The following PCDHA7 variants were observed in gnomAD, a reference collection of about 807,000 sequenced individuals.
PCDHA7 encodes protocadherin alpha-7.
Under a neutral mutation model 57.2 loss-of-function variants are expected in PCDHA7, and 37 were observed. That is an observed-to-expected ratio of 0.65 (90% CI 0.50 to 0.85). PCDHA7 has a LOEUF of 0.85. Ranked by LOEUF, PCDHA7 falls within the 40% of genes least tolerant of loss-of-function variation. The pLI is 0.00. For missense variants in PCDHA7, 1,188 were observed against 1,241.8 expected (o/e 0.96, Z 0.65); for synonymous variants, 553 against 558.8 (o/e 0.99, Z 0.15).
rs1588262423 is a variant in PCDHA7 at position 141,011,885 on chromosome 5, T to C, written c.*1948T>C. 1 of 153,482 alleles carries C rather than the reference T, an allele frequency of 6.5e-6. No homozygotes were observed. The highest frequency in any genetic ancestry group is 1.9e-4 in the East Asian group (1 of 5,202). 9.5% of individuals were successfully genotyped at this position (153,482 alleles called of 1,614,324 possible). ...ATAATGTACAATTTAGAAGTTTGATTAATTATATTATCTATTTAGGCATTA... is the reference window on the plus strand; with the variant it reads ...ATAATGTACAATTTAGAAGTTTGATCAATTATATTATCTATTTAGGCATTA... On this transcript the variant is annotated 3_prime_UTR_variant, in exon 4 of 4. Transcript: ENST00000525929.
At chr5:140,849,896 C>A in intron 1 of PCDHA7, 1 of 1,598,590 alleles carries the variant, frequency 6.3e-7, no homozygotes, top group Non-Finnish European at 8.6e-7. Flanking sequence ...TGAAGGAGAA[C>A]AACCCGCCGG....
chr5:140,877,590 G>A (rs996962116), intron 1 of PCDHA7: 20 of 1,613,708 alleles, frequency 1.2e-5, no homozygotes, highest in Admixed American at 1.7e-5. Flanking sequence ...CCATCTGTGC[G>A]GTGTCCAGCC....
chr5:140,935,157 A>G (rs982054485), intron 1 of PCDHA7, among the ~76,000 whole-genome samples: 1 of 152,214 alleles, frequency 6.6e-6, no homozygotes, highest in Non-Finnish European at 1.5e-5. Context: ...TATAATCTCA[A>G]CAACAGGTGT....
At chr5:141,009,327 C>A (rs1445732436) in intron 3 of PCDHA7, among the ~76,000 whole-genome samples, 3 of 152,142 alleles carry the variant, frequency 2.0e-5, no homozygotes, top group Non-Finnish European at 2.9e-5. Context: ...GGCATGGGAG[C>A]TTGTGCCTGT....
chr5:140,862,677 G>T, intron 1 of PCDHA7: 1 of 550,930 alleles, frequency 1.8e-6, no homozygotes. Context: ...AGGAGAACGT[G>T]CTGGTGTCCT....
At chr5:140,902,257 C>T (rs1450183542) in intron 1 of PCDHA7, among the ~76,000 whole-genome samples, 2 of 140,176 alleles carry the variant, frequency 1.4e-5, no homozygotes, top group South Asian at 2.2e-4. Context: ...AGGCTGGTCT[C>T]GAACTCCTGG....
chr5:140,858,158 G>A lies in PCDHA7; in HGVS notation c.2355+21420G>A, dbSNP rs781899082. On this transcript the variant is annotated intron_variant, in intron 1 of 3. Transcript: ENST00000525929. ...CGTGTACCTGATCATCGCCATCTGC[G>A]CGGTGTCCAGCTTGCTGGTGCTCAC... The A allele has an allele frequency of 6.3e-6, 10 of 1,597,616 alleles. 1 individual carries two copies. Among genetic ancestry groups the A allele is most frequent in the Admixed American group, 5.1e-5 (3 of 59,322 alleles).
At chr5:140,953,948 C>T (rs1012464637) in intron 1 of PCDHA7, among the ~76,000 whole-genome samples, 1 of 152,092 alleles carries the variant, frequency 6.6e-6, no homozygotes, top group Non-Finnish European at 1.5e-5. Flanking sequence ...CATTGCTCCC[C>T]CAACAGGCCC....
chr5:141,001,694 C>A (rs2098032582), intron 3 of PCDHA7, among the ~76,000 whole-genome samples: 1 of 151,662 alleles, frequency 6.6e-6, no homozygotes, highest in African/African-American at 2.4e-5. Flanking sequence ...CCACAGATGG[C>A]GAAATAGGGG....
At chr5:140,885,595 A>G (rs1386755812) in intron 1 of PCDHA7, among the ~76,000 whole-genome samples, 1 of 152,218 alleles carries the variant, frequency 6.6e-6, no homozygotes, top group Non-Finnish European at 1.5e-5. Context: ...CATCAAAGAT[A>G]TTAATAATTT....
chr5:140,986,834 C>T (rs2097214742), intron 3 of PCDHA7, among the ~76,000 whole-genome samples: 1 of 152,104 alleles, frequency 6.6e-6, no homozygotes. Context: ...CAATGGTTCT[C>T]AAAGGGGCAG....
intron 1 of PCDHA7, among the ~76,000 whole-genome samples, chr5:140,878,476 A>G (rs1037108551): frequency 6.6e-6 from 1 of 152,204 alleles, no homozygotes; most frequent in Admixed American, 6.5e-5. Flanking sequence ...TCATTTCTCA[A>G]TTTAAAAATA....
In PCDHA7 at chr5:140,836,671, G is replaced by T. The variant is rs146098956; in HGVS notation, c.2288G>T (p.Gly763Val). ...QRRQRVCSGE[G>V]PPKTDLMAFS... is the part of the protein sequence containing the mutation. Reference sequence around the variant, plus strand: ...CGGCAGAGGGTGTGCTCTGGGGAGGGCCCACCCAAGACAGACCTCATGGCC... The same window carrying T: ...CGGCAGAGGGTGTGCTCTGGGGAGGTCCCACCCAAGACAGACCTCATGGCC... The change falls in exon 1 of 4, where the codon GGC becomes GTC. Residue 763 changes from glycine (G) to valine (V), a missense_variant. Transcript: ENST00000525929. 4.3e-6 allele frequency: 7 copies of T among 1,613,400 alleles called. 1 individual carries two copies. The highest frequency in any genetic ancestry group is 5.9e-6 in the Non-Finnish European group (7 of 1,179,594).
intron 1 of PCDHA7, among the ~76,000 whole-genome samples, chr5:140,904,464 T>G (rs2071152048): frequency 1.3e-5 from 2 of 151,802 alleles, no homozygotes; most frequent in South Asian, 4.1e-4. Context: ...CACTTGTTGA[T>G]TGGTGGCTAT....
chr5:140,909,601 C>G (rs1554193864), intron 1 of PCDHA7, among the ~76,000 whole-genome samples: 1 of 152,170 alleles, frequency 6.6e-6, no homozygotes, highest in Non-Finnish European at 1.5e-5. Context: ...TACTATTTTT[C>G]TAGGTAGAGG....
At chr5:140,843,795 T>C in intron 1 of PCDHA7, 2 of 1,353,268 alleles carry the variant, frequency 1.5e-6, no homozygotes, top group Non-Finnish European at 2.0e-6. Flanking sequence ...AGATTTAGTT[T>C]TTCACCGTAT....
At chr5:140,866,469 C>CG (rs2049380122) in intron 1 of PCDHA7, 2 of 152,080 alleles carry the variant, frequency 1.3e-5, no homozygotes, top group Non-Finnish European at 2.9e-5. Context: ...AAGCTCATAA[C>CG]AACTGACAAA....
In PCDHA7 at chr5:140,876,240, A is replaced by G. The variant is rs375639572; in HGVS notation, c.2355+39502A>G. 7.0e-5 allele frequency: 113 copies of G among 1,613,906 alleles called. No homozygotes were observed. The highest frequency in any genetic ancestry group is 8.3e-5 in the Admixed American group (5 of 60,008). Reference sequence around the variant, plus strand: ...AAGTAGTGTTGTCTGAAAATGTCCAAAACGACACAAGAGTGATCCAACTAA... The same window carrying G: ...AAGTAGTGTTGTCTGAAAATGTCCAGAACGACACAAGAGTGATCCAACTAA... On this transcript the variant is annotated intron_variant, in intron 1 of 3. Coordinates refer to ENST00000525929, the MANE Select transcript of PCDHA7 (RefSeq NM_018910.3).
At chr5:140,941,099 TATTACTGG>T (rs1174229664) in intron 1 of PCDHA7, among the ~76,000 whole-genome samples, 5 of 152,146 alleles carry the variant, frequency 3.3e-5, no homozygotes, top group Non-Finnish European at 1.5e-5. Context: ...TTTCACATAC[TATTACTGG>T]AAAGATTAGT....
Sources: gnomAD v4.1 joint callset for allele counts (sites outside exome capture counted in the v4.1 genomes callset) on GRCh38, gnomAD v4.1.1 for gene constraint, MANE v1.5 for transcripts, NCBI Gene and HGNC (gene_info 2026-07-23, HGNC 2026-07-21) for gene names.